DSTYK: variants seen among roughly 807,000 people sequenced by gnomAD.
DSTYK encodes RIP-homologous kinase.
A neutral mutation model predicts 98.7 loss-of-function variants in DSTYK; 34 were observed. The ratio of observed to expected loss-of-function variants is 0.34; its 90% CI spans 0.26 to 0.46. DSTYK has a LOEUF of 0.46. Among genes scored for constraint, DSTYK ranks in the 20% least tolerant of loss-of-function variants. DSTYK has a pLI of 1.00. For synonymous variants in DSTYK, 462 were observed against 457.3 expected, an observed-to-expected ratio of 1.01 and a Z score of -0.13; for missense variants, 962 against 1,181.7, an observed-to-expected ratio of 0.81 and a Z score of 2.73.
chr1:205,181,654 GT>G (rs201848444), intron 2 of DSTYK, among the ~76,000 whole-genome samples: 1 of 63,826 alleles, frequency 1.6e-5, no homozygotes, highest in African/African-American at 3.9e-5. Flanking sequence ...AGATGTTGGG[GT>G]TTGTGTGTGT....
chr1:205,200,871 G>C (rs1342279429), intron 1 of DSTYK, among the ~76,000 whole-genome samples: 11 of 151,964 alleles, frequency 7.2e-5, no homozygotes, highest in Admixed American at 7.2e-4. Flanking sequence ...CCTACTACTT[G>C]ATAGCACAAC....
At chr1:205,209,588 T>TCC (rs1258172535) in intron 1 of DSTYK, among the ~76,000 whole-genome samples, 13 of 144,796 alleles carry the variant, frequency 9.0e-5, no homozygotes, top group Admixed American at 2.2e-4. Flanking sequence ...GGATAGGAAT[T>TCC]TAAAAAGCCT....
At chr1:205,147,923 A>G (rs1205967356) in intron 12 of DSTYK, among the ~76,000 whole-genome samples, 178 bp from the exon 13 acceptor site, 1 of 151,896 alleles carries the variant, frequency 6.6e-6, no homozygotes, top group Non-Finnish European at 1.5e-5. Context: ...ATTAAAAAAA[A>G]AAAGAAAGAA....
intron 10 of DSTYK, among the ~76,000 whole-genome samples, chr1:205,152,489 T>A (rs1317150654): frequency 6.6e-6 from 1 of 152,234 alleles, no homozygotes; most frequent in African/African-American, 2.4e-5. Context: ...TCCATTATAA[T>A]CTTATCGGAC....
At position 205,169,001 on chromosome 1, in the gene DSTYK, G is replaced by A. The variant is rs1244926549; in HGVS notation, c.1324+162C>T. On this transcript the variant is annotated intron_variant, in intron 3 of 12. Coordinates refer to ENST00000367162, the MANE Select transcript of DSTYK (RefSeq NM_015375.3). The surrounding 1 kb of genome is among the most constrained non-coding windows in gnomAD (Gnocchi z 4.0). ...CACAATGATCTTTGAGAGCAAGAGAGGCCACCTTGGCTAAATAGTGGGCTC... is the reference window on the plus strand; with the variant it reads ...CACAATGATCTTTGAGAGCAAGAGAAGCCACCTTGGCTAAATAGTGGGCTC... Among the ~76,000 whole-genome samples the A allele has an allele frequency of 1.3e-5, 2 of 152,168 alleles. No homozygotes were observed.
intron 2 of DSTYK, among the ~76,000 whole-genome samples, chr1:205,179,746 C>T (rs189998026): frequency 1.3e-5 from 2 of 150,590 alleles, no homozygotes; most frequent in African/African-American, 5.0e-5. Context: ...AGATAATATC[C>T]TCTATGGATT....
chr1:205,148,385 G>C (rs370710279), intron 11 of DSTYK, 46 bp from the exon 12 acceptor site: 369 of 1,604,660 alleles, frequency 2.3e-4, no homozygotes, highest in Admixed American at 2.9e-4. Context: ...AGAGAGTCAG[G>C]CAGCAGCATC....
rs143001609 is a variant in DSTYK, at chr1:205,211,349, A to T, written c.187T>A (p.Cys63Ser). The T allele has an allele frequency of 6.2e-7, 1 of 1,612,044 alleles. No individual in the cohort carries two copies. The highest frequency in any genetic ancestry group is 1.3e-5 in the African/African-American group (1 of 74,756). Residue 63 changes from cysteine (C) to serine (S), a missense_variant, in exon 1 of 13, where the codon TGT becomes AGT. Coordinates refer to ENST00000367162, the MANE Select transcript of DSTYK (RefSeq NM_015375.3). Reference protein sequence around the residue: ...RDIKCSHNHTCLSSLTGGGGA... With the variant: ...RDIKCSHNHTSLSSLTGGGGA... ...CCGCCGCCCGTGAGGGAGGAGAGAC[A>T]AGTGTGGTTGTGGGAGCACTTGATG... is the stretch of plus-strand genomic sequence containing the variant.
chr1:205,184,858 T>C (rs1658519591), intron 2 of DSTYK, among the ~76,000 whole-genome samples: 1 of 152,126 alleles, frequency 6.6e-6, no homozygotes, highest in Non-Finnish European at 1.5e-5. Context: ...GTGTTGGGAT[T>C]ACAGGCATAA....
rs201628576 is a variant in DSTYK at position 205,169,840 on chromosome 1, G to A, written c.655-8C>T. ...TACCACAACGTCCACTTCCTGGAAGGGGAAGGGGGTCATATATCAGCGCCT... is the reference window on the plus strand; with the variant it reads ...TACCACAACGTCCACTTCCTGGAAGAGGAAGGGGGTCATATATCAGCGCCT... On this transcript the variant is annotated splice_region_variant and splice_polypyrimidine_tract_variant and intron_variant, in intron 2 of 12. Coordinates refer to ENST00000367162, the MANE Select transcript of DSTYK (RefSeq NM_015375.3). This position sits in a 1 kb window ranked among gnomAD's most constrained non-coding sequence, Gnocchi z 4.0. The A allele has an allele frequency of 5.4e-4, 859 of 1,603,826 alleles. No individual in the cohort carries two copies. Among genetic ancestry groups the A allele is most frequent in the Middle Eastern group, 1.2e-3 (7 of 6,010 alleles).
rs1230702643 is a variant in DSTYK, at chr1:205,211,519, A to G, written c.17T>C (p.Val6Ala). MEGDGVPWGSEPVSGP... is the reference protein window; with the variant it reads MEGDGAPWGSEPVSGP... ...CGAGACGGGCTCGCTGCCCCATGGC[A>G]CCCCGTCGCCCTCCATCGCCTCTGC... Residue 6 changes from valine to alanine, a missense_variant, in exon 1 of 13, where the codon GTG becomes GCG. Transcript: ENST00000367162. The G allele has an allele frequency of 1.2e-5, 19 of 1,551,764 alleles. No homozygotes were observed. In the Admixed American group the frequency reaches 2.2e-4, roughly 18 times the overall value.
At chr1:205,175,045 C>T (rs535769194) in intron 2 of DSTYK, among the ~76,000 whole-genome samples, 2 of 151,088 alleles carry the variant, frequency 1.3e-5, no homozygotes, top group South Asian at 4.2e-4. Flanking sequence ...CCATGGATTT[C>T]GGGCTTTCTA....
chr1:205,148,363 G>T (rs376597666), intron 11 of DSTYK, 24 bp from the exon 12 acceptor site: 2 of 1,611,564 alleles, frequency 1.2e-6, no homozygotes, highest in African/African-American at 2.7e-5. Flanking sequence ...AGGATGAAAC[G>T]TAATGAGCCA....
At chr1:205,202,137 A>T in intron 1 of DSTYK, 1 of 507,178 alleles carries the variant, frequency 2.0e-6, no homozygotes. Context: ...AGGGAAGGGG[A>T]AGGGGAAGGG....
In DSTYK at chr1:205,182,754, C is replaced by T. The variant is rs548886665; in HGVS notation, c.654+4664G>A. 4.0e-4 allele frequency among the ~76,000 whole-genome samples: 60 copies of T among 150,788 alleles called. 1 individual carries two copies. The East Asian group carries it at 8.8e-3, about 22-fold the overall frequency. The stretch of plus-strand genomic sequence containing the variant: ...CTGGGAGGCAGAGGTTGCAGCGAGC[C>T]GAGATTGCGTCATTGCATTCCAGCC... On this transcript the variant is annotated intron_variant, in intron 2 of 12. Transcript: ENST00000367162.
intron 1 of DSTYK, among the ~76,000 whole-genome samples, chr1:205,207,358 C>T (rs1014700897): frequency 6.6e-6 from 1 of 151,612 alleles, no homozygotes; most frequent in Non-Finnish European, 1.5e-5. Flanking sequence ...GAATTACAGG[C>T]GTGAGCCGCC....
chr1:205,159,451 G>C (rs1457209867), intron 9 of DSTYK, 96 bp downstream of exon 9: 28 of 1,367,462 alleles, frequency 2.0e-5, no homozygotes, highest in Non-Finnish European at 2.7e-5. Context: ...AACAATCTCT[G>C]ATGAAAGCTA....
At chr1:205,168,420 T>C (rs1034237763) in intron 3 of DSTYK, among the ~76,000 whole-genome samples, 1 of 152,220 alleles carries the variant, frequency 6.6e-6, no homozygotes, top group African/African-American at 2.4e-5. Context: ...TTAAAAATAC[T>C]GATGCTGGGT....
intron 3 of DSTYK, among the ~76,000 whole-genome samples, chr1:205,168,291 A>C (rs999553330): frequency 6.6e-6 from 1 of 152,218 alleles, no homozygotes; most frequent in East Asian, 1.9e-4. Context: ...TCTGGATTCA[A>C]ATCCTGCCTC....
Sources: gnomAD v4.1 joint callset for allele counts (sites outside exome capture counted in the v4.1 genomes callset) on GRCh38, gnomAD v4.1.1 for gene constraint, Gnocchi (gnomAD v3.1) non-coding constraint, MANE v1.5 for transcripts, NCBI Gene and HGNC (gene_info 2026-07-23, HGNC 2026-07-21) for gene names.